Variants in RERE observed in about 807,000 individuals in gnomAD.
The protein encoded by RERE is arginine-glutamic acid dipeptide repeats.
Under a neutral mutation model 146.1 loss-of-function variants are expected in RERE, and 40 were observed. That is an observed-to-expected ratio of 0.27 (90% CI 0.21 to 0.36). RERE has a LOEUF of 0.36. RERE is among the 10% of genes least tolerant of loss of function. RERE has a pLI of 1.00. For synonymous variants in RERE, 1,003 were observed against 866.0 expected, an observed-to-expected ratio of 1.16 and a Z score of -2.78; for missense variants, 1,933 against 2,138.7, an observed-to-expected ratio of 0.90 and a Z score of 1.90.
At chr1:8,583,558 G>A (rs909147959) in intron 4 of RERE, among the ~76,000 whole-genome samples, 9 of 152,204 alleles carry the variant, frequency 5.9e-5, no homozygotes, top group African/African-American at 2.2e-4. Context: ...TAAAGGGGCT[G>A]AAGTCATCTA....
intron 12 of RERE, among the ~76,000 whole-genome samples, chr1:8,377,664 G>A (rs1207280806): frequency 6.6e-6 from 1 of 152,010 alleles, no homozygotes; most frequent in Non-Finnish European, 1.5e-5. Flanking sequence ...TCTATTTATT[G>A]GCCTTTCATT....
chr1:8,790,367 C>T (rs1641342873), intron 1 of RERE, among the ~76,000 whole-genome samples: 1 of 152,086 alleles, frequency 6.6e-6, no homozygotes, highest in South Asian at 2.1e-4. Context: ...TACTATGTAG[C>T]TAATAATACA....
chr1:8,728,419 G>A (rs554089507), intron 1 of RERE, among the ~76,000 whole-genome samples: 10 of 151,566 alleles, frequency 6.6e-5, no homozygotes, highest in African/African-American at 2.4e-4. Flanking sequence ...ATAGAAGTAG[G>A]GTTATTTTCT....
rs188753998 is a variant in RERE at position 8,671,556 on chromosome 1, G to C, written c.-144-15115C>G. Among the ~76,000 whole-genome samples the C allele has an allele frequency of 5.5e-4, 84 of 152,204 alleles. 2 individuals carry two copies. Among genetic ancestry groups the C allele is most frequent in the Admixed American group, 2.6e-3 (39 of 15,290 alleles). On this transcript the variant is annotated intron_variant, in intron 1 of 22. Coordinates refer to ENST00000400908, the MANE Select transcript of RERE (RefSeq NM_001042681.2). ...AAATGACTTTTGCCAGGTCCTTCTG[G>C]GCTAACGAATTAAGGAAGGAAAAAC...
chr1:8,507,634 C>G (rs1478392354), intron 8 of RERE, among the ~76,000 whole-genome samples: 2 of 152,088 alleles, frequency 1.3e-5, no homozygotes, highest in Non-Finnish European at 2.9e-5. Context: ...GTCTCAAACT[C>G]CCGATCTCAG....
rs371221566 is a variant in RERE, at chr1:8,422,717, T to C, written c.1284+10A>G. 7 of 1,597,558 alleles carry C rather than the reference T, an allele frequency of 4.4e-6. No individual in the cohort carries two copies. The highest frequency in any genetic ancestry group is 1.7e-4 in the Middle Eastern group (1 of 6,028). On this transcript the variant is annotated intron_variant, in intron 12 of 22. Coordinates refer to ENST00000400908, the MANE Select transcript of RERE (RefSeq NM_001042681.2). The stretch of plus-strand genomic sequence containing the variant: ...AAAAATCAAGTTACATAAAGTCCAA[T>C]TGTACTCACTGTTTCCTTATTGGGA...
intron 1 of RERE, among the ~76,000 whole-genome samples, chr1:8,805,038 T>C (rs1007697922): frequency 2.2e-5 from 3 of 138,378 alleles, no homozygotes; most frequent in African/African-American, 8.2e-5. Flanking sequence ...TGAGACAGAG[T>C]CTTGCTCTGT....
intron 1 of RERE, among the ~76,000 whole-genome samples, chr1:8,711,590 A>G (rs764142535): frequency 2.6e-5 from 4 of 152,214 alleles, no homozygotes; most frequent in Non-Finnish European, 5.9e-5. Flanking sequence ...TCTCGTTTGG[A>G]AAAGGGTTTT....
At chr1:8,563,012 C>T (rs1035385510) in intron 4 of RERE, among the ~76,000 whole-genome samples, 1 of 152,042 alleles carries the variant, frequency 6.6e-6, no homozygotes, top group Non-Finnish European at 1.5e-5. Flanking sequence ...AACTAGATAA[C>T]TGACAAGCGG....
chr1:8,676,820 C>G (rs1236035464), intron 1 of RERE, among the ~76,000 whole-genome samples: 1 of 152,216 alleles, frequency 6.6e-6, no homozygotes, highest in Non-Finnish European at 1.5e-5. Context: ...GAATCTTTTT[C>G]TCCATTCAAA....
chr1:8,362,937 C>A, intron 15 of RERE, 93 bp from the exon 16 acceptor site: 3 of 1,403,642 alleles, frequency 2.1e-6, no homozygotes, highest in Non-Finnish European at 2.9e-6. Flanking sequence ...CCTGAAGGCA[C>A]ACCCTATCAG....
chr1:8,549,206 G>A (rs1011482673), intron 6 of RERE, among the ~76,000 whole-genome samples: 1 of 152,004 alleles, frequency 6.6e-6, no homozygotes, highest in Admixed American at 6.5e-5. Flanking sequence ...AGGGAACCCC[G>A]GTTCCTCACA....
intron 10 of RERE, among the ~76,000 whole-genome samples, chr1:8,478,301 G>GAC (rs1450132421): frequency 6.6e-6 from 1 of 152,156 alleles, no homozygotes; most frequent in African/African-American, 2.4e-5. Flanking sequence ...AGTAAAGGTG[G>GAC]ACTTGACTTG....
At chr1:8,608,973 C>T (rs1302618613) in intron 4 of RERE, among the ~76,000 whole-genome samples, 2 of 152,172 alleles carry the variant, frequency 1.3e-5, no homozygotes, top group African/African-American at 4.8e-5. Flanking sequence ...AATCCCAGCA[C>T]TTTGGGAGGC....
In RERE at chr1:8,667,822, TTAAGGGAAA is replaced by T. The variant is rs758207148; in HGVS notation, c.-144-11390_-144-11382del. On this transcript the variant is annotated intron_variant, in intron 1 of 22. Coordinates refer to ENST00000400908, the MANE Select transcript of RERE (RefSeq NM_001042681.2). Reference sequence around the variant, plus strand: ...AGTTGTGTCTCTTCTACTCAGCAGGTTAAGGGAAATACACTGCTCACTCTAAACAGGGCT... The same window carrying T: ...AGTTGTGTCTCTTCTACTCAGCAGGTTACACTGCTCACTCTAAACAGGGCT... Among the ~76,000 whole-genome samples the T allele has an allele frequency of 1.2e-3, 184 of 152,288 alleles. 1 individual carries two copies. Among genetic ancestry groups the T allele is most frequent in the Admixed American group, 3.4e-3 (52 of 15,304 alleles).
At chr1:8,623,922 C>T (rs971535905) in intron 3 of RERE, among the ~76,000 whole-genome samples, 1 of 152,190 alleles carries the variant, frequency 6.6e-6, no homozygotes, top group African/African-American at 2.4e-5. Context: ...CAGGTTTCCA[C>T]TGGAAACTAT....
chr1:8,615,080 T>C (rs1646836163), intron 3 of RERE, among the ~76,000 whole-genome samples: 1 of 152,188 alleles, frequency 6.6e-6, no homozygotes, highest in Non-Finnish European at 1.5e-5. Context: ...GTGGACAAAC[T>C]GAGCTTTCAG....
intron 1 of RERE, chr1:8,750,388 G>A (rs1640508704): frequency 5.8e-6 from 4 of 685,520 alleles, no homozygotes; most frequent in South Asian, 4.8e-5. Flanking sequence ...CACAAACCCA[G>A]TAGTCTTTTA....
At chr1:8,538,988 T>G (rs1645762822) in intron 7 of RERE, among the ~76,000 whole-genome samples, 1 of 152,240 alleles carries the variant, frequency 6.6e-6, no homozygotes. Flanking sequence ...AGTTACATAT[T>G]ACTTTTAATA....
Sources: gnomAD v4.1 joint callset for allele counts (sites outside exome capture counted in the v4.1 genomes callset) on GRCh38, gnomAD v4.1.1 for gene constraint, MANE v1.5 for transcripts, NCBI Gene and HGNC (gene_info 2026-07-23, HGNC 2026-07-21) for gene names.